EDEM3: variants seen among roughly 807,000 people sequenced by gnomAD.
EDEM3 encodes the protein ER degradation-enhancing alpha-mannosidase-like protein 3.
In EDEM3, 60 loss-of-function variants were observed where a neutral mutation model predicts 110.2. That is an observed-to-expected ratio of 0.54 (90% confidence interval 0.44 to 0.67). The LOEUF is 0.67. Among genes scored for constraint, EDEM3 ranks in the 30% least tolerant of loss-of-function variants. The probability of loss-of-function intolerance (pLI) is 0.00; values close to 1 mark genes in which losing one functional copy is unlikely to be tolerated. For missense variants in EDEM3, 996 were observed against 1,121.0 expected (o/e 0.89, Z 1.59); for synonymous variants, 352 against 382.9 (o/e 0.92, Z 0.94).
chr1:184,710,623 TA>T, intron 15 of EDEM3, 76 bp from the exon 16 acceptor site: 1 of 1,477,204 alleles, frequency 6.8e-7, no homozygotes, highest in South Asian at 1.4e-5. Context: ...CAAATAAAAA[TA>T]ATGTTACTTG....
chr1:184,721,183 C>G, intron 9 of EDEM3, 106 bp downstream of exon 9: 1 of 883,944 alleles, frequency 1.1e-6, no homozygotes, highest in Non-Finnish European at 1.7e-6. Flanking sequence ...AAAACCACTA[C>G]ACATTTTAAA....
chr1:184,704,053 T>C (rs1649776213), intron 18 of EDEM3, among the ~76,000 whole-genome samples: 1 of 152,200 alleles, frequency 6.6e-6, no homozygotes, highest in African/African-American at 2.4e-5. Flanking sequence ...AAACATTCAC[T>C]ATCATGGATC....
In EDEM3 at chr1:184,737,000, TAAATCCAA is replaced by T. The variant is rs1224260306; in HGVS notation, c.345+17_345+24del. ...TTAAGTGTGCATATCATGAATAAAA[TAAATCCAA>T]GAAGAGTCAAACCTACCACAAGAGT... On this transcript the variant is annotated intron_variant, in intron 4 of 19. Coordinates refer to ENST00000318130, the MANE Select transcript of EDEM3 (RefSeq NM_025191.4). 6.3e-7 allele frequency: 1 copy of T among 1,593,488 alleles called. No homozygotes were observed. Among genetic ancestry groups the T allele is most frequent in the African/African-American group, 1.3e-5 (1 of 74,496 alleles).
At position 184,708,349 on chromosome 1, in the gene EDEM3, GA is replaced by G. The variant is rs200358232; in HGVS notation, c.1846-6del. 1.2e-6 allele frequency: 2 copies of G among 1,603,884 alleles called. No homozygotes were observed. Among genetic ancestry groups the G allele is most frequent in the Non-Finnish European group, 1.7e-6 (2 of 1,177,458 alleles). On this transcript the variant is annotated splice_polypyrimidine_tract_variant and splice_region_variant and intron_variant, in intron 16 of 19. Transcript: ENST00000318130. ...AGCGTCGATTGAACTAGCAGCCTAT[GA>G]AAAAAACAAATTCATTTTATCCTTC...
At chr1:184,722,393 T>C (rs1007862511) in intron 8 of EDEM3, among the ~76,000 whole-genome samples, 2 of 151,966 alleles carry the variant, frequency 1.3e-5, no homozygotes, top group African/African-American at 4.8e-5. Flanking sequence ...TGTAGGAAAA[T>C]ATTTGATTTT....
intron 13 of EDEM3, among the ~76,000 whole-genome samples, chr1:184,712,817 C>G (rs1201714983): frequency 1.3e-5 from 2 of 152,164 alleles, no homozygotes; most frequent in Admixed American, 6.5e-5. Context: ...CACACTGATA[C>G]ACTGAATCTT....
At position 184,694,230 on chromosome 1, in the gene EDEM3, C is replaced by T; in HGVS notation, c.2632G>A (p.Gly878Ser). The stretch of plus-strand genomic sequence containing the variant: ...TGGTTATCTAAATCTGTACATTCAC[C>T]ATTAAGATTTGTAGTCTCATGGTTT... ...TENHETTNLN[G>S]ECTDLDNQLQ... The change falls in exon 20 of 20, where the codon GGT becomes AGT. Residue 878 changes from glycine (G) to serine (S), a missense_variant. This residue lies in a region of EDEM3 where 345 missense variants were observed against 402.0 expected (regional missense o/e 0.86). Transcript: ENST00000318130. The T allele has an allele frequency of 6.2e-7, 1 of 1,613,360 alleles. No individual in the cohort carries two copies. Among genetic ancestry groups the T allele is most frequent in the Non-Finnish European group, 8.5e-7 (1 of 1,179,632 alleles).
chr1:184,735,507 A>T (rs1651772320), intron 4 of EDEM3, among the ~76,000 whole-genome samples: 1 of 152,210 alleles, frequency 6.6e-6, no homozygotes, highest in African/African-American at 2.4e-5. Context: ...GCCTAAGTAC[A>T]TTAAAAGTAG....
At chr1:184,721,203 T>G in intron 9 of EDEM3, 86 bp downstream of exon 9, 5 of 1,036,324 alleles carry the variant, frequency 4.8e-6, no homozygotes, top group Non-Finnish European at 7.1e-6. Flanking sequence ...AAATTATTTT[T>G]ACAATGTCAT....
intron 2 of EDEM3, among the ~76,000 whole-genome samples, chr1:184,739,876 CT>C (rs1652040144): frequency 6.6e-6 from 1 of 152,116 alleles, no homozygotes; most frequent in Non-Finnish European, 1.5e-5. Flanking sequence ...GAAGATAAAG[CT>C]GCACTGACCA....
intron 16 of EDEM3, among the ~76,000 whole-genome samples, chr1:184,710,173 A>T (rs1650149090): frequency 1.3e-5 from 2 of 152,170 alleles, no homozygotes; most frequent in African/African-American, 4.8e-5. Context: ...ACTTCAGCAA[A>T]TTACCCAACC....
intron 6 of EDEM3, among the ~76,000 whole-genome samples, chr1:184,731,913 A>G (rs1651543813): frequency 6.6e-6 from 1 of 152,240 alleles, no homozygotes; most frequent in African/African-American, 2.4e-5. Context: ...GTGGTGGCTC[A>G]TGCCTGTAAT....
At chr1:184,721,268 T>C in intron 9 of EDEM3, 21 bp downstream of exon 9, 5 of 1,564,166 alleles carry the variant, frequency 3.2e-6, no homozygotes, top group Non-Finnish European at 4.4e-6. Context: ...GATTATAAAA[T>C]ATAAAATTGT....
intron 12 of EDEM3, among the ~76,000 whole-genome samples, 187 bp from the exon 13 acceptor site, chr1:184,717,199 C>G (rs1650600147): frequency 1.3e-5 from 2 of 151,948 alleles, no homozygotes; most frequent in African/African-American, 4.8e-5. Flanking sequence ...CTTAAATACA[C>G]AATTATAAAA....
chr1:184,740,601 C>T (rs142126676), intron 2 of EDEM3, among the ~76,000 whole-genome samples: 1 of 152,212 alleles, frequency 6.6e-6, no homozygotes, highest in East Asian at 1.9e-4. Flanking sequence ...CCTAGTCGCC[C>T]CGTGATAATC....
intron 9 of EDEM3, chr1:184,721,002 T>C: frequency 3.7e-6 from 1 of 268,162 alleles, no homozygotes; most frequent in Non-Finnish European, 7.0e-6. Flanking sequence ...ATAATTCTTA[T>C]CCTTGTACAA....
chr1:184,735,277 G>C (rs1223310650), intron 4 of EDEM3, among the ~76,000 whole-genome samples: 1 of 152,150 alleles, frequency 6.6e-6, no homozygotes, highest in Non-Finnish European at 1.5e-5. Flanking sequence ...TTATAGGGTT[G>C]TTTTCTTAAA....
chr1:184,721,749 CAAT>C lies in EDEM3; in HGVS notation c.854-366_854-364del, dbSNP rs891516912. 2.6e-5 allele frequency among the ~76,000 whole-genome samples: 4 copies of C among 151,444 alleles called. No individual in the cohort carries two copies. In the South Asian group the frequency reaches 6.2e-4, roughly 24 times the overall value. On this transcript the variant is annotated intron_variant, in intron 8 of 19. Coordinates refer to ENST00000318130, the MANE Select transcript of EDEM3 (RefSeq NM_025191.4). ...ACCAAAGTCAAGAAAAATTAAAGAA[CAAT>C]AATAATATCTACTCTTAAAAAGAAG...
At chr1:184,707,028 T>G (rs933757268) in intron 17 of EDEM3, among the ~76,000 whole-genome samples, 13 of 152,194 alleles carry the variant, frequency 8.5e-5, no homozygotes, top group African/African-American at 2.4e-4. Context: ...AGAACATTTT[T>G]ATATAAACTA....
Sources: allele counts gnomAD v4.1 joint callset (sites outside exome capture counted in the v4.1 genomes callset), GRCh38; gene constraint gnomAD v4.1.1; regional missense constraint gnomAD v4.1.1; transcripts MANE v1.5; gene names NCBI Gene and HGNC (gene_info 2026-07-23, HGNC 2026-07-21).